Variants in FARSB observed in about 807,000 individuals in gnomAD.
FARSB encodes the protein phenylalanine--tRNA ligase beta subunit.
Under a neutral mutation model 69.6 loss-of-function variants are expected in FARSB, and 40 were observed. The ratio of observed to expected loss-of-function variants is 0.57; its 90% CI spans 0.45 to 0.75. The LOEUF (loss-of-function observed/expected upper bound fraction) is 0.75, where lower values mean the gene tolerates loss of function less well. Among genes scored for constraint, FARSB ranks in the 30% least tolerant of loss-of-function variants. The pLI is 0.00. For missense variants in FARSB, 632 were observed against 722.9 expected (o/e 0.87, Z 1.44); for synonymous variants, 235 against 247.2 (o/e 0.95, Z 0.46).
At chr2:222,619,611 T>TCATA (rs1158463194) in intron 14 of FARSB, 34 bp downstream of exon 14, 1 of 1,078,774 alleles carries the variant, frequency 9.3e-7, no homozygotes, top group Non-Finnish European at 1.4e-6. Flanking sequence ...CCTCTAGGTT[T>TCATA]TTACATGAAT....
At position 222,584,735 on chromosome 2, in the gene FARSB, G is replaced by A. The variant is rs559054271; in HGVS notation, c.1619-12713C>T. Among the ~76,000 whole-genome samples, 18 of 152,264 alleles carry A rather than the reference G, an allele frequency of 1.2e-4. No individual in the cohort carries two copies. In the South Asian group the frequency reaches 2.7e-3, roughly 23 times the overall value. ...GAGGGTCCCACGCCCACGGAGCCTC[G>A]CTCACTGCTAGCACAGCAGTCCCAG... On this transcript the variant is annotated intron_variant, in intron 16 of 16. Coordinates refer to ENST00000281828, the MANE Select transcript of FARSB (RefSeq NM_005687.5).
chr2:222,652,284 A>G (rs1326829122), intron 1 of FARSB, among the ~76,000 whole-genome samples: 1 of 152,106 alleles, frequency 6.6e-6, no homozygotes, highest in Non-Finnish European at 1.5e-5. Context: ...GGGGGTGAGT[A>G]TATTTTGCAT....
intron 16 of FARSB, among the ~76,000 whole-genome samples, chr2:222,582,949 A>G (rs2106181852): frequency 6.6e-6 from 1 of 152,244 alleles, no homozygotes; most frequent in Middle Eastern, 3.4e-3. Flanking sequence ...AAAAAGAGCA[A>G]TAATGTAAAT....
intron 10 of FARSB, 111 bp downstream of exon 10, chr2:222,628,726 G>A: frequency 2.8e-6 from 2 of 716,912 alleles, no homozygotes; most frequent in East Asian, 2.6e-5. Flanking sequence ...GTAGCGCCTG[G>A]CACACGGGTG....
intron 14 of FARSB, among the ~76,000 whole-genome samples, chr2:222,614,484 G>A (rs1690945714): frequency 6.6e-6 from 1 of 152,170 alleles, no homozygotes; most frequent in Admixed American, 6.5e-5. Flanking sequence ...ATGTTTGCAA[G>A]TTTTCATATC....
intron 15 of FARSB, among the ~76,000 whole-genome samples, chr2:222,604,809 G>T (rs1412294931): frequency 6.7e-6 from 1 of 149,528 alleles, no homozygotes; most frequent in Non-Finnish European, 1.5e-5. Context: ...CTGGGCTCAG[G>T]CAATCTGCCT....
intron 15 of FARSB, among the ~76,000 whole-genome samples, chr2:222,608,100 A>G (rs542714935): frequency 6.6e-6 from 1 of 152,342 alleles, no homozygotes; most frequent in African/African-American, 2.4e-5. Flanking sequence ...AGATGCCATC[A>G]TGTATGCAAA....
rs757411523 is a variant in FARSB at position 222,633,231 on chromosome 2, C to T, written c.683G>A (p.Gly228Asp). The change falls in exon 7 of 17, where the codon GGT (glycine) becomes GAT (aspartate). Residue 228 changes from glycine to aspartate, a missense_variant. By Grantham distance (94) the Gly-to-Asp change is moderately conservative (BLOSUM62 -1). Coordinates refer to ENST00000281828, the MANE Select transcript of FARSB (RefSeq NM_005687.5). The stretch of plus-strand genomic sequence containing the variant: ...GATGGGAGGCATTGAAAGGACGACA[C>T]CATTGCTATCATAGATAACTGGATA... ...PLYPVIYDSN[G>D]VVLSMPPIIN... 6.4e-7 allele frequency: 1 copy of T among 1,574,012 alleles called. No homozygotes were observed. Among genetic ancestry groups the T allele is most frequent in the South Asian group, 1.1e-5 (1 of 89,720 alleles).
intron 7 of FARSB, 25 bp downstream of exon 7, chr2:222,633,174 C>T: frequency 2.8e-6 from 3 of 1,070,396 alleles, no homozygotes; most frequent in African/African-American, 1.5e-5. Context: ...CAGCAAAGAT[C>T]TGTGATGCTT....
At position 222,655,144 on chromosome 2, in the gene FARSB, C is replaced by A. The variant is rs559112863; in HGVS notation, c.58+872G>T. On this transcript the variant is annotated intron_variant, in intron 1 of 16. Transcript: ENST00000281828. ...CAGGGAGACGGAGGTTGCTGTCAGC[C>A]GAGATCGCGCCACTGCACTCCAGCC... 2.1e-3 allele frequency among the ~76,000 whole-genome samples: 326 copies of A among 151,948 alleles called. 2 individuals carry two copies. The highest frequency in any genetic ancestry group is 7.4e-3 in the African/African-American group (305 of 41,424).
chr2:222,597,697 A>T (rs1268190512), intron 16 of FARSB, among the ~76,000 whole-genome samples: 1 of 152,156 alleles, frequency 6.6e-6, no homozygotes, highest in Non-Finnish European at 1.5e-5. Context: ...AAGGTTTCTT[A>T]AATCAGTCCT....
At chr2:222,598,940 TTAA>T (rs1559196662) in intron 16 of FARSB, among the ~76,000 whole-genome samples, 1 of 131,178 alleles carries the variant, frequency 7.6e-6, no homozygotes, top group Non-Finnish European at 1.7e-5. Context: ...TCTCATTTAT[TTAA>T]AAAAAAAAAA....
intron 15 of FARSB, among the ~76,000 whole-genome samples, chr2:222,601,186 A>C (rs541584708): frequency 2.0e-5 from 3 of 152,342 alleles, no homozygotes; most frequent in African/African-American, 7.2e-5. Context: ...AAAGTTCTAG[A>C]GACCCACAAC....
intron 16 of FARSB, among the ~76,000 whole-genome samples, chr2:222,577,653 T>G (rs906386090): frequency 3.3e-5 from 5 of 152,232 alleles, no homozygotes; most frequent in African/African-American, 4.8e-5. Flanking sequence ...CTCTAAGTGA[T>G]GGAGCAATGT....
At chr2:222,649,219 T>G (rs577100835) in intron 1 of FARSB, among the ~76,000 whole-genome samples, 476 of 107,058 alleles carry the variant, frequency 4.4e-3, no homozygotes, top group African/African-American at 0.016. Context: ...AGAGCGAGAC[T>G]CCGTCTCAAA....
intron 16 of FARSB, among the ~76,000 whole-genome samples, chr2:222,591,360 C>T (rs1690270903): frequency 6.6e-6 from 1 of 152,110 alleles, no homozygotes; most frequent in Non-Finnish European, 1.5e-5. Flanking sequence ...CCTTCAAGCA[C>T]CTAGAGTTCC....
Position 222,571,667 on chromosome 2 carries a change from A to G in FARSB, c.*204T>C. On this transcript the variant is annotated 3_prime_UTR_variant, in exon 17 of 17. Coordinates refer to ENST00000281828, the MANE Select transcript of FARSB (RefSeq NM_005687.5). ...GGCTTTTACCCAACAATGCAGCTTC[A>G]CACACAGACACCACACTGGTATATG... 2.0e-6 allele frequency: 1 copy of G among 499,644 alleles called. No individual in the cohort carries two copies. The highest frequency in any genetic ancestry group is 3.6e-6 in the Non-Finnish European group (1 of 279,086). 31.0% of individuals were successfully genotyped at this position (499,644 alleles called of 1,614,324 possible).
At chr2:222,579,494 G>A (rs1203293016) in intron 16 of FARSB, among the ~76,000 whole-genome samples, 1 of 152,130 alleles carries the variant, frequency 6.6e-6, no homozygotes, top group Non-Finnish European at 1.5e-5. Flanking sequence ...GTACTTGTAT[G>A]AATAAATTTC....
chr2:222,646,325 T>C (rs1691855591), intron 2 of FARSB, among the ~76,000 whole-genome samples: 2 of 149,388 alleles, frequency 1.3e-5, no homozygotes, highest in African/African-American at 2.5e-5. Context: ...TGGGAGCAGA[T>C]AAAATCTTCT....
Sources: gnomAD v4.1 joint callset for allele counts (sites outside exome capture counted in the v4.1 genomes callset) on GRCh38, gnomAD v4.1.1 for gene constraint, MANE v1.5 for transcripts, NCBI Gene and HGNC (gene_info 2026-07-23, HGNC 2026-07-21) for gene names.